The following DST variants were observed in gnomAD, a reference collection of about 807,000 sequenced individuals.
DST encodes the protein bullous pemphigoid antigen.
Under a neutral mutation model 875.2 loss-of-function variants are expected in DST, and 253 were observed. That is an observed-to-expected ratio of 0.29 (90% CI 0.26 to 0.32). The LOEUF (loss-of-function observed/expected upper bound fraction) is 0.32. DST is among the 10% of genes least tolerant of loss of function. The pLI is 1.00. For missense variants in DST, 8,287 were observed against 9,111.6 expected, an observed-to-expected ratio of 0.91 and a Z score of 3.68; for synonymous variants, 3,124 against 3,197.1, an observed-to-expected ratio of 0.98 and a Z score of 0.77.
chr6:56,520,287 T>G (rs1249372414), intron 69 of DST, among the ~76,000 whole-genome samples: 1 of 152,174 alleles, frequency 6.6e-6, no homozygotes, highest in Middle Eastern at 3.2e-3. Flanking sequence ...ATTCATGTTA[T>G]CAGAGTCCCA....
chr6:56,877,714 T>C (rs564730399), intron 3 of DST, among the ~76,000 whole-genome samples: 11 of 152,176 alleles, frequency 7.2e-5, no homozygotes, highest in Non-Finnish European at 1.3e-4. Context: ...TCCCATAGGC[T>C]GGGAACAACA....
intron 9 of DST, among the ~76,000 whole-genome samples, chr6:56,684,485 G>A (rs1214789054): frequency 1.3e-5 from 2 of 152,204 alleles, no homozygotes; most frequent in Non-Finnish European, 2.9e-5. Flanking sequence ...GGAAAGCAGA[G>A]ATATTTGGCG....
intron 92 of DST, among the ~76,000 whole-genome samples, chr6:56,475,394 AACAC>A (rs35690052): frequency 0.018 from 2,577 of 144,930 alleles, 41 homozygotes; most frequent in African/African-American, 0.046. Flanking sequence ...AGGCTTTTAA[AACAC>A]ACACACACAC....
At chr6:56,594,409 TC>T (rs1397828722) in intron 47 of DST, among the ~76,000 whole-genome samples, 1 of 152,204 alleles carries the variant, frequency 6.6e-6, no homozygotes, top group African/African-American at 2.4e-5. Flanking sequence ...AAAGAAAATT[TC>T]CAATCTTCTC....
intron 4 of DST, among the ~76,000 whole-genome samples, chr6:56,800,186 G>C (rs1005734935): frequency 6.6e-6 from 1 of 152,092 alleles, no homozygotes; most frequent in Admixed American, 6.6e-5. Context: ...AGTAGACAAA[G>C]GGAAGAAGGG....
chr6:56,620,060 TCA>T, intron 36 of DST: 1 of 1,613,914 alleles, frequency 6.2e-7, no homozygotes, highest in Non-Finnish European at 8.5e-7. Context: ...ATACTGAATT[TCA>T]GTTATTTTTC....
At chr6:56,735,761 AC>A (rs1486181470) in intron 4 of DST, among the ~76,000 whole-genome samples, 1 of 152,252 alleles carries the variant, frequency 6.6e-6, no homozygotes, top group Non-Finnish European at 1.5e-5. Context: ...TAAAGTCTTG[AC>A]AAAAGGCAAG....
At chr6:56,938,108 C>CTCTCTCTCTCTATATA (rs1383243392) in intron 2 of DST, among the ~76,000 whole-genome samples, 55 of 120,750 alleles carry the variant, frequency 4.6e-4, no homozygotes, top group African/African-American at 1.9e-3. Context: ...CTCTCTCTCT[C>CTCTCTCTCTCTATATA]TATATATATA....
intron 15 of DST, among the ~76,000 whole-genome samples, chr6:56,644,938 T>G (rs2098933418): frequency 6.6e-6 from 1 of 152,194 alleles, no homozygotes; most frequent in African/African-American, 2.4e-5. Flanking sequence ...CATACTGTTC[T>G]CATGGTAATG....
intron 5 of DST, among the ~76,000 whole-genome samples, chr6:56,716,635 G>C (rs2099395571): frequency 6.6e-6 from 1 of 152,164 alleles, no homozygotes; most frequent in Admixed American, 6.5e-5. Context: ...AAAATTACTT[G>C]AGTAAGAAAA....
chr6:56,536,688 A>C, intron 62 of DST, 91 bp downstream of exon 62: 1 of 1,276,176 alleles, frequency 7.8e-7, no homozygotes, highest in Non-Finnish European at 1.1e-6. Context: ...TATTTAGAAA[A>C]GTTTGGCTAC....
At chr6:56,554,429 A>G (rs915141337) in intron 60 of DST, among the ~76,000 whole-genome samples, 4 of 152,174 alleles carry the variant, frequency 2.6e-5, no homozygotes, top group African/African-American at 7.2e-5. Context: ...AATGTAGCAC[A>G]TAAAAACTAC....
intron 95 of DST, among the ~76,000 whole-genome samples, chr6:56,470,803 C>T (rs1043289915): frequency 6.6e-6 from 1 of 151,324 alleles, no homozygotes; most frequent in Non-Finnish European, 1.5e-5. Flanking sequence ...CACACACACA[C>T]ACACACACAC....
At chr6:56,540,166 G>A (rs971126674) in intron 61 of DST, 9 of 152,614 alleles carry the variant, frequency 5.9e-5, no homozygotes, top group African/African-American at 2.2e-4. Flanking sequence ...CAAAACAAAA[G>A]TGTGGATTTC....
intron 4 of DST, among the ~76,000 whole-genome samples, chr6:56,810,378 T>C (rs767803735): frequency 6.6e-6 from 1 of 152,164 alleles, no homozygotes; most frequent in Non-Finnish European, 1.5e-5. Context: ...CAGCATTTTA[T>C]AGTAATACAC....
chr6:56,585,188 C>G (rs1371455462), intron 49 of DST, among the ~76,000 whole-genome samples: 1 of 152,186 alleles, frequency 6.6e-6, no homozygotes. Flanking sequence ...CCTCCTTGTA[C>G]CTCTGGTAGA....
chr6:56,670,052 A>C (rs2099092255), intron 10 of DST, among the ~76,000 whole-genome samples: 1 of 152,072 alleles, frequency 6.6e-6, no homozygotes, highest in Non-Finnish European at 1.5e-5. Context: ...AGTTCTTTAG[A>C]GGCAAAATCA....
chr6:56,693,638 A>T (rs2099246388), intron 9 of DST, among the ~76,000 whole-genome samples: 3 of 152,214 alleles, frequency 2.0e-5, no homozygotes, highest in African/African-American at 7.2e-5. Context: ...ATTTGGATTC[A>T]AAGTGCCTTT....
Position 56,783,182 on chromosome 6 carries a change from G to GA in DST, c.626-47894dup, listed in dbSNP as rs1050922294. 1.3e-4 allele frequency among the ~76,000 whole-genome samples: 20 copies of GA among 152,236 alleles called. No individual in the cohort carries two copies. The East Asian group carries it at 2.1e-3, about 16-fold the overall frequency. On this transcript the variant is annotated intron_variant, in intron 4 of 103. Transcript: ENST00000680361. ...TTTGGAATAGGTGTGGTGTGGTGCT[G>GA]AAAAAAATGTATATTCTGTTGATTT...
Sources: allele counts gnomAD v4.1 joint callset (sites outside exome capture counted in the v4.1 genomes callset), GRCh38; gene constraint gnomAD v4.1.1; transcripts MANE v1.5; gene names NCBI Gene and HGNC (gene_info 2026-07-23, HGNC 2026-07-21).